The following RNF130 variants were observed in gnomAD, a reference collection of about 807,000 sequenced individuals.
RNF130 encodes ring finger protein 130.
RNF130 carries 21 observed loss-of-function variants against 44.6 expected under a neutral mutation model. The observed-to-expected ratio is 0.47, with a 90% confidence interval of 0.33 to 0.68. The LOEUF (loss-of-function observed/expected upper bound fraction) is 0.68. Ranked by LOEUF, RNF130 falls within the 30% of genes least tolerant of loss-of-function variation. RNF130 has a pLI of 0.02. For missense variants in RNF130, 479 were observed against 560.6 expected (o/e 0.85, Z 1.47); for synonymous variants, 214 against 210.4 (o/e 1.02, Z -0.15).
chr5:180,044,361 TA>T (rs1366812907), intron 1 of RNF130, among the ~76,000 whole-genome samples: 2 of 152,136 alleles, frequency 1.3e-5, no homozygotes, highest in Non-Finnish European at 2.9e-5. Flanking sequence ...TTTTTTCCTC[TA>T]GGGCTTTTTC....
At chr5:180,039,473 G>A (rs1764354835) in intron 2 of RNF130, among the ~76,000 whole-genome samples, 1 of 152,060 alleles carries the variant, frequency 6.6e-6, no homozygotes, top group East Asian at 1.9e-4. Context: ...CCTGACCTCA[G>A]GTGATCCTCC....
chr5:179,970,385 G>A, intron 6 of RNF130, 25 bp downstream of exon 6: 1 of 1,537,270 alleles, frequency 6.5e-7, no homozygotes, highest in Non-Finnish European at 9.0e-7. Flanking sequence ...TACAAAAGTG[G>A]TAACAAATAA....
At chr5:180,046,057 G>A (rs1019110279) in intron 1 of RNF130, among the ~76,000 whole-genome samples, 12 of 152,148 alleles carry the variant, frequency 7.9e-5, no homozygotes, top group Non-Finnish European at 4.4e-5. Flanking sequence ...GGTGGGGCTC[G>A]GGCATGGCAG....
At chr5:180,016,976 T>C (rs1171296168) in intron 2 of RNF130, among the ~76,000 whole-genome samples, 3 of 152,254 alleles carry the variant, frequency 2.0e-5, no homozygotes, top group Non-Finnish European at 4.4e-5. Flanking sequence ...TAATAGATGG[T>C]CCATTTTCAG....
At chr5:180,070,408 T>C (rs1194147612) in intron 1 of RNF130, among the ~76,000 whole-genome samples, 2 of 152,172 alleles carry the variant, frequency 1.3e-5, no homozygotes, top group Non-Finnish European at 2.9e-5. Flanking sequence ...AGCCAGACTG[T>C]CTCAAAGAAG....
chr5:180,049,717 C>T (rs1386735117), intron 1 of RNF130, among the ~76,000 whole-genome samples: 3 of 152,182 alleles, frequency 2.0e-5, no homozygotes, highest in African/African-American at 4.8e-5. Context: ...TCAACTGCCA[C>T]GCTTAGTCTA....
chr5:180,030,433 A>G (rs1315289795), intron 2 of RNF130, among the ~76,000 whole-genome samples: 1 of 152,236 alleles, frequency 6.6e-6, no homozygotes, highest in African/African-American at 2.4e-5. Context: ...GAGTAAAATT[A>G]CAGGGATGTG....
intron 1 of RNF130, among the ~76,000 whole-genome samples, chr5:180,053,645 A>C (rs1764736813): frequency 6.6e-6 from 1 of 152,134 alleles, no homozygotes; most frequent in South Asian, 2.1e-4. Flanking sequence ...TATTCAGAGC[A>C]AGAAGAGTTG....
chr5:179,938,724 C>T (rs1332674665), intron 7 of RNF130, among the ~76,000 whole-genome samples: 1 of 152,116 alleles, frequency 6.6e-6, no homozygotes, highest in African/African-American at 2.4e-5. Context: ...TTATATTAAA[C>T]CAGAAATATA....
At position 180,016,531 on chromosome 5, in the gene RNF130, C is replaced by T. The variant is rs549782431; in HGVS notation, c.443-3220G>A. Among the ~76,000 whole-genome samples the T allele has an allele frequency of 1.1e-4, 17 of 152,348 alleles. No individual in the cohort carries two copies. In the South Asian group the frequency reaches 2.7e-3, roughly 24 times the overall value. ...AGTCACGGATGCGGCCACGCTCCCA[C>T]GCACTTCCACGTCTGGCCGCCAGTA... On this transcript the variant is annotated intron_variant, in intron 2 of 8. Transcript: ENST00000521389.
At chr5:179,928,572 T>C (rs1488166891) in intron 7 of RNF130, among the ~76,000 whole-genome samples, 1 of 152,126 alleles carries the variant, frequency 6.6e-6, no homozygotes, top group Admixed American at 6.6e-5. Context: ...CTGTGAGTCC[T>C]TTGTGAGTTA....
At chr5:179,957,909 G>A (rs1021110152) in intron 8 of RNF130, among the ~76,000 whole-genome samples, 14 of 149,514 alleles carry the variant, frequency 9.4e-5, no homozygotes, top group Admixed American at 4.7e-4. Context: ...ACGGAGTCTC[G>A]CTCTGTCGCC....
intron 8 of RNF130, among the ~76,000 whole-genome samples, chr5:179,959,127 A>G (rs1762271353): frequency 6.6e-6 from 1 of 152,184 alleles, no homozygotes; most frequent in Admixed American, 6.5e-5. Context: ...TACGGGTAAA[A>G]GAGACCAGTG....
intron 5 of RNF130, chr5:179,976,637 G>A (rs746305200): frequency 1.3e-5 from 2 of 151,516 alleles, no homozygotes; most frequent in Non-Finnish European, 2.9e-5. Context: ...AGAATGACTG[G>A]ACTTCCAGAA....
At chr5:179,927,586 C>CTTT (rs5873673) in intron 7 of RNF130, among the ~76,000 whole-genome samples, 4 of 112,170 alleles carry the variant, frequency 3.6e-5, no homozygotes, top group Admixed American at 2.2e-4. Context: ...TTAGCTTTGT[C>CTTT]TTTTTTTTTT....
chr5:180,002,918 G>A (rs375968572), intron 3 of RNF130, among the ~76,000 whole-genome samples: 2 of 151,964 alleles, frequency 1.3e-5, no homozygotes, highest in South Asian at 4.2e-4. Context: ...CTCAGATCTG[G>A]GTTGTTATTA....
chr5:180,054,480 G>C, intron 1 of RNF130, among the ~76,000 whole-genome samples: 1 of 152,002 alleles, frequency 6.6e-6, no homozygotes, highest in East Asian at 1.9e-4. Flanking sequence ...ATATCCAGTT[G>C]TCCCCGCACC....
intron 7 of RNF130, chr5:179,964,158 T>C (rs1762391014): frequency 6.6e-6 from 1 of 152,550 alleles, no homozygotes; most frequent in Non-Finnish European, 1.5e-5. Context: ...AAGTAGAAAC[T>C]ACTCTTCCCA....
chr5:180,026,051 T>C (rs1303529693), intron 2 of RNF130, among the ~76,000 whole-genome samples: 4 of 151,686 alleles, frequency 2.6e-5, no homozygotes, highest in Non-Finnish European at 5.9e-5. Flanking sequence ...TAGAGCTAAA[T>C]ACGTTTTTAA....
Sources: allele counts gnomAD v4.1 joint callset (sites outside exome capture counted in the v4.1 genomes callset), GRCh38; gene constraint gnomAD v4.1.1; transcripts MANE v1.5; gene names NCBI Gene and HGNC (gene_info 2026-07-23, HGNC 2026-07-21).